AJAP1: variants seen among roughly 807,000 people sequenced by gnomAD.
AJAP1 encodes adherens junction-associated protein 1.
Under a neutral mutation model 35.0 loss-of-function variants are expected in AJAP1, and 5 were observed. That is an observed-to-expected ratio of 0.14 (90% CI 0.07 to 0.30). AJAP1 has a LOEUF of 0.30. AJAP1 is among the 10% of genes least tolerant of loss of function. The pLI is 1.00. For missense variants in AJAP1, 586 were observed against 571.0 expected, an observed-to-expected ratio of 1.03 and a Z score of -0.27; for synonymous variants, 284 against 249.3, an observed-to-expected ratio of 1.14 and a Z score of -1.31.
intron 1 of AJAP1, among the ~76,000 whole-genome samples, chr1:4,668,343 CGT>C (rs150721144): frequency 7.0e-4 from 104 of 149,540 alleles, no homozygotes; most frequent in Admixed American, 1.1e-3. Flanking sequence ...TGTGCGTGTG[CGT>C]GTGTGTGTGT....
intron 1 of AJAP1, among the ~76,000 whole-genome samples, 196 bp from the exon 2 acceptor site, chr1:4,711,704 G>C (rs1251857402): frequency 6.6e-6 from 1 of 152,202 alleles, no homozygotes; most frequent in Non-Finnish European, 1.5e-5. Flanking sequence ...CGCAGCGCGC[G>C]CTGTTCTTGC....
rs1055306422 is a variant in AJAP1, at chr1:4,786,021, G to C, written c.*3536G>C. 6.6e-6 allele frequency: 1 copy of C among 152,186 alleles called. No individual in the cohort carries two copies. The highest frequency in any genetic ancestry group is 2.1e-4 in the South Asian group (1 of 4,820). The allele number at this position is 152,186 out of a possible 1,614,324, so 9.4% of individuals were successfully genotyped here. Reference sequence around the variant, plus strand: ...GTCACTTTGTCTGATTGGAATATGCGTGTCATTGCTCTTGTTTCCGAGTTT... The same window carrying C: ...GTCACTTTGTCTGATTGGAATATGCCTGTCATTGCTCTTGTTTCCGAGTTT... On this transcript the variant is annotated 3_prime_UTR_variant, in exon 6 of 6. Transcript: ENST00000378191.
chr1:4,718,361 C>T (rs895061544), intron 2 of AJAP1, among the ~76,000 whole-genome samples: 6 of 152,162 alleles, frequency 3.9e-5, no homozygotes, highest in Non-Finnish European at 8.8e-5. Context: ...CAACTTATTG[C>T]ATTTAGTCCT....
chr1:4,780,553 G>A (rs752463337), intron 5 of AJAP1, among the ~76,000 whole-genome samples: 2 of 151,918 alleles, frequency 1.3e-5, no homozygotes, highest in African/African-American at 4.8e-5. Context: ...CTGGAGTAAG[G>A]CTACCAAGAG....
At chr1:4,676,216 G>T (rs1171752758) in intron 1 of AJAP1, among the ~76,000 whole-genome samples, 2 of 152,128 alleles carry the variant, frequency 1.3e-5, no homozygotes, top group East Asian at 3.9e-4. Flanking sequence ...TCTTAGTCAC[G>T]CTCCTCCGAT....
At chr1:4,701,085 C>T (rs1225414934) in intron 1 of AJAP1, among the ~76,000 whole-genome samples, 1 of 152,254 alleles carries the variant, frequency 6.6e-6, no homozygotes, top group Admixed American at 6.5e-5. Flanking sequence ...ACGCCAGCGC[C>T]GTTGCTATCC....
intron 1 of AJAP1, chr1:4,711,042 G>A (rs1640220049): frequency 6.6e-6 from 1 of 152,398 alleles, no homozygotes; most frequent in South Asian, 2.1e-4. Context: ...TGAGGAGGTG[G>A]ATAACAGGGT....
rs1642256539 is a variant in AJAP1 at position 4,792,084 on chromosome 1, T to G, written c.*9599T>G. 1 of 152,214 alleles carries G rather than the reference T, an allele frequency of 6.6e-6. No homozygotes were observed. The highest frequency in any genetic ancestry group is 1.5e-5 in the Non-Finnish European group (1 of 68,044). The allele number at this position is 152,214 out of a possible 1,614,324, so 9.4% of individuals were successfully genotyped here. On this transcript the variant is annotated 3_prime_UTR_variant, in exon 6 of 6. Coordinates refer to ENST00000378191, the MANE Select transcript of AJAP1 (RefSeq NM_018836.4). Reference sequence around the variant, plus strand: ...TTATTTTCATTTTCCTAAATTATTTTCTGATACAATAAACTGTTAACTGTT... The same window carrying G: ...TTATTTTCATTTTCCTAAATTATTTGCTGATACAATAAACTGTTAACTGTT...
intron 1 of AJAP1, among the ~76,000 whole-genome samples, chr1:4,682,585 GGT>G (rs1639507005): frequency 1.3e-5 from 2 of 152,304 alleles, no homozygotes; most frequent in South Asian, 4.2e-4. Flanking sequence ...AAGACTGCAT[GGT>G]GTGGTTCCTG....
intron 2 of AJAP1, among the ~76,000 whole-genome samples, chr1:4,735,723 C>T (rs552398419): frequency 2.0e-5 from 3 of 152,324 alleles, no homozygotes; most frequent in African/African-American, 7.2e-5. Context: ...TTGACTCATG[C>T]AGTGCAGCCA....
chr1:4,658,013 G>A (rs1188160481), intron 1 of AJAP1, among the ~76,000 whole-genome samples: 2 of 152,070 alleles, frequency 1.3e-5, no homozygotes, highest in African/African-American at 4.8e-5. Context: ...GAGGAGGCGC[G>A]TATTCAGCAA....
In AJAP1 at chr1:4,711,888, C is replaced by T. The variant is rs551223535; in HGVS notation, c.30-12C>T. The T allele has an allele frequency of 7.2e-5, 105 of 1,451,358 alleles. No homozygotes were observed. Among genetic ancestry groups the T allele is most frequent in the Non-Finnish European group, 8.7e-5 (96 of 1,102,256 alleles). The allele number at this position is 1,451,358 out of a possible 1,614,324, so 89.9% of individuals were successfully genotyped here. ...CCACTGACCGCTCTTCTCTCCTTTC[C>T]CCCCCGCACAGCTCCATGTCCATCC... On this transcript the variant is annotated splice_polypyrimidine_tract_variant and intron_variant, in intron 1 of 5. Transcript: ENST00000378191.
chr1:4,728,914 G>A (rs901872496), intron 2 of AJAP1, among the ~76,000 whole-genome samples: 24 of 152,174 alleles, frequency 1.6e-4, no homozygotes, highest in Non-Finnish European at 2.9e-4. Flanking sequence ...GGAGCTCTCC[G>A]GGGCTCCATC....
intron 1 of AJAP1, among the ~76,000 whole-genome samples, chr1:4,678,632 C>T (rs1014891685): frequency 1.3e-5 from 2 of 152,164 alleles, no homozygotes; most frequent in African/African-American, 4.8e-5. Flanking sequence ...ATGGATGTTA[C>T]AATCTCATGT....
intron 1 of AJAP1, among the ~76,000 whole-genome samples, chr1:4,700,438 A>G (rs1639961093): frequency 6.6e-6 from 1 of 151,926 alleles, no homozygotes; most frequent in Non-Finnish European, 1.5e-5. Flanking sequence ...CCCCCACCCC[A>G]GAGGATCCTC....
intron 5 of AJAP1, among the ~76,000 whole-genome samples, chr1:4,781,971 A>G (rs1642072478): frequency 6.6e-6 from 1 of 152,160 alleles, no homozygotes. Context: ...TCTCTTTGGC[A>G]AGATCACCTC....
rs775523276 is a variant in AJAP1, at chr1:4,772,309, A to G, written c.947A>G (p.Asn316Ser). ...CCAQSGNTRRNSHQRKTNQQE... is the reference protein window; with the variant it reads ...CCAQSGNTRRSSHQRKTNQQE... ...GCCCAAAGCGGGAACACTCGTCGGA[A>G]CAGCCACCAGCGGAAGACCAACCAG... The change falls in exon 4 of 6, where the codon AAC becomes AGC. Residue 316 changes from asparagine (N) to serine (S), a missense_variant. Coordinates refer to ENST00000378191, the MANE Select transcript of AJAP1 (RefSeq NM_018836.4). 6.2e-6 allele frequency: 10 copies of G among 1,614,060 alleles called. No homozygotes were observed. Among genetic ancestry groups the G allele is most frequent in the Non-Finnish European group, 8.5e-6 (10 of 1,180,026 alleles).
At chr1:4,688,771 CAAAAAAAA>C (rs5772177) in intron 1 of AJAP1, among the ~76,000 whole-genome samples, 1 of 87,948 alleles carries the variant, frequency 1.1e-5, no homozygotes, top group Non-Finnish European at 2.2e-5. Flanking sequence ...GACTCCGTCT[CAAAAAAAA>C]AAAAAAAAAA....
chr1:4,686,961 T>C (rs939041689), intron 1 of AJAP1, among the ~76,000 whole-genome samples: 2 of 152,158 alleles, frequency 1.3e-5, no homozygotes, highest in African/African-American at 4.8e-5. Context: ...GCCCGTGAGG[T>C]TGGGCTGCCC....
Sources: gnomAD v4.1 joint callset for allele counts (sites outside exome capture counted in the v4.1 genomes callset) on GRCh38, gnomAD v4.1.1 for gene constraint, MANE v1.5 for transcripts, NCBI Gene and HGNC (gene_info 2026-07-23, HGNC 2026-07-21) for gene names.